Variants in SPAG9 observed in about 807,000 individuals in gnomAD.
The protein encoded by SPAG9 is sperm associated antigen 9.
SPAG9 carries 35 observed loss-of-function variants against 166.5 expected under a neutral mutation model. The observed-to-expected ratio is 0.21, with a 90% confidence interval of 0.16 to 0.28. SPAG9 has a LOEUF of 0.28. Ranked by LOEUF, SPAG9 falls within the 10% of genes least tolerant of loss-of-function variation. The pLI is 1.00. For missense variants in SPAG9, 1,235 were observed against 1,603.3 expected, an observed-to-expected ratio of 0.77 and a Z score of 3.92; for synonymous variants, 534 against 565.5, an observed-to-expected ratio of 0.94 and a Z score of 0.79.
chr17:51,011,295 CAA>C (rs112442746), intron 9 of SPAG9, among the ~76,000 whole-genome samples: 1 of 112,752 alleles, frequency 8.9e-6, no homozygotes. Context: ...GATCTCACCT[CAA>C]AAAAAAAAAA....
At chr17:50,992,749 T>TC (rs1975697347) in intron 19 of SPAG9, among the ~76,000 whole-genome samples, 1 of 152,022 alleles carries the variant, frequency 6.6e-6, no homozygotes, top group African/African-American at 2.4e-5. Flanking sequence ...ATGCCTGTAA[T>TC]CCCAGTACTT....
At chr17:51,087,359 A>G (rs150603449) in intron 1 of SPAG9, among the ~76,000 whole-genome samples, 11 of 152,322 alleles carry the variant, frequency 7.2e-5, no homozygotes, top group African/African-American at 2.6e-4. Flanking sequence ...AGAAAACAGG[A>G]ATAGAAACAG....
intron 2 of SPAG9, among the ~76,000 whole-genome samples, chr17:51,061,035 A>C (rs894605625): frequency 6.6e-6 from 1 of 151,366 alleles, no homozygotes; most frequent in Middle Eastern, 3.4e-3. Context: ...TTTAGTAGAG[A>C]TGGGGTTTCA....
At chr17:51,111,110 C>T (rs1012334018) in intron 1 of SPAG9, among the ~76,000 whole-genome samples, 1 of 150,014 alleles carries the variant, frequency 6.7e-6, no homozygotes. Flanking sequence ...AGCAAGACTC[C>T]GTCTCAAAAA....
intron 8 of SPAG9, among the ~76,000 whole-genome samples, chr17:51,017,062 G>C (rs761435119): frequency 1.4e-4 from 22 of 152,156 alleles, no homozygotes; most frequent in Non-Finnish European, 2.6e-4. Context: ...AAGGATGGTG[G>C]TTTAGGCATT....
intron 1 of SPAG9, among the ~76,000 whole-genome samples, chr17:51,099,971 G>A (rs1441720233): frequency 1.3e-5 from 2 of 151,786 alleles, no homozygotes; most frequent in Non-Finnish European, 2.9e-5. Context: ...ATTGTGGAAG[G>A]CACCTGTAAC....
intron 25 of SPAG9, among the ~76,000 whole-genome samples, chr17:50,980,170 T>C (rs1336972516): frequency 6.6e-6 from 1 of 152,086 alleles, no homozygotes; most frequent in Non-Finnish European, 1.5e-5. Flanking sequence ...ATCCACACTA[T>C]GTAACAGTGC....
At chr17:51,112,837 T>G (rs773443527) in intron 1 of SPAG9, among the ~76,000 whole-genome samples, 1 of 150,778 alleles carries the variant, frequency 6.6e-6, no homozygotes, top group Non-Finnish European at 1.5e-5. Context: ...TAGCCAGGCA[T>G]GGTGGCGCAT....
chr17:51,042,055 C>A (rs1297452136), intron 4 of SPAG9, among the ~76,000 whole-genome samples: 1 of 152,126 alleles, frequency 6.6e-6, no homozygotes, highest in Non-Finnish European at 1.5e-5. Context: ...CAAATCCTCT[C>A]GCTAATCCCT....
At chr17:51,093,145 T>C (rs775721385) in intron 1 of SPAG9, among the ~76,000 whole-genome samples, 1 of 133,596 alleles carries the variant, frequency 7.5e-6, no homozygotes, top group Non-Finnish European at 1.6e-5. Flanking sequence ...GAGGCTGAGG[T>C]GGACAGATTG....
chr17:50,971,174 G>T (rs1246572356), intron 28 of SPAG9, among the ~76,000 whole-genome samples: 2 of 152,060 alleles, frequency 1.3e-5, no homozygotes, highest in East Asian at 3.9e-4. Flanking sequence ...GGGAATGGTG[G>T]TATGCGCCTG....
chr17:51,003,530 T>C (rs1437785165), intron 12 of SPAG9, among the ~76,000 whole-genome samples: 1 of 152,104 alleles, frequency 6.6e-6, no homozygotes, highest in Non-Finnish European at 1.5e-5. Flanking sequence ...GTCGCTAAAA[T>C]ACCAACATAA....
At chr17:50,997,475 C>T (rs2044730425) in intron 15 of SPAG9, among the ~76,000 whole-genome samples, 1 of 152,114 alleles carries the variant, frequency 6.6e-6, no homozygotes, top group South Asian at 2.1e-4. Flanking sequence ...ATCCCATTAA[C>T]TTGTTTCAGA....
chr17:51,054,548 T>C (rs2047306927), intron 3 of SPAG9, among the ~76,000 whole-genome samples: 1 of 151,948 alleles, frequency 6.6e-6, no homozygotes, highest in African/African-American at 2.4e-5. Context: ...ACCATTCTCC[T>C]GCCTCAGCCT....
chr17:51,025,065 T>TC (rs887008038), intron 6 of SPAG9, among the ~76,000 whole-genome samples: 1 of 150,434 alleles, frequency 6.6e-6, no homozygotes, highest in African/African-American at 2.4e-5. Flanking sequence ...ACGCCTGTAA[T>TC]CCCAGCACTT....
chr17:51,070,027 G>C (rs1198460078), intron 2 of SPAG9, among the ~76,000 whole-genome samples: 1 of 151,260 alleles, frequency 6.6e-6, no homozygotes, highest in African/African-American at 2.4e-5. Flanking sequence ...CGGGAGGGCT[G>C]AGGTGGGAGG....
At chr17:51,116,267 C>T (rs2049285650) in intron 1 of SPAG9, among the ~76,000 whole-genome samples, 1 of 152,090 alleles carries the variant, frequency 6.6e-6, no homozygotes, top group Non-Finnish European at 1.5e-5. Context: ...GCTGGTCCCA[C>T]ACTCCTGACC....
intron 14 of SPAG9, 166 bp downstream of exon 14, chr17:50,999,495 T>G: frequency 6.7e-7 from 1 of 1,489,446 alleles, no homozygotes; most frequent in Non-Finnish European, 8.9e-7. Context: ...ACACTATATA[T>G]TAAAAAAAAA....
At chr17:51,095,296 TAAAAAAAAAAA>T (rs71149343) in intron 1 of SPAG9, among the ~76,000 whole-genome samples, 30,631 of 83,488 alleles carry the variant, frequency 0.37, 4,601 homozygotes, top group Admixed American at 0.46. Flanking sequence ...ACTCCATCTT[TAAAAAAAAAAA>T]AAAAAAAAAA....
Sources: gnomAD v4.1 joint callset for allele counts (sites outside exome capture counted in the v4.1 genomes callset) on GRCh38, gnomAD v4.1.1 for gene constraint, MANE v1.5 for transcripts, NCBI Gene and HGNC (gene_info 2026-07-23, HGNC 2026-07-21) for gene names.